MACROD2: variants seen among roughly 807,000 people sequenced by gnomAD.
The protein encoded by MACROD2 is ADP-ribose glycohydrolase MACROD2.
In MACROD2, 36 loss-of-function variants were observed where a neutral mutation model predicts 70.4. The ratio of observed to expected loss-of-function variants is 0.51; its 90% CI spans 0.39 to 0.68. MACROD2 has a LOEUF of 0.68. Ranked by LOEUF, MACROD2 falls within the 30% of genes least tolerant of loss-of-function variation. MACROD2 has a pLI of 0.00. For synonymous variants in MACROD2, 172 were observed against 178.8 expected, an observed-to-expected ratio of 0.96 and a Z score of 0.30; for missense variants, 496 against 538.4, an observed-to-expected ratio of 0.92 and a Z score of 0.78.
intron 6 of MACROD2, among the ~76,000 whole-genome samples, chr20:15,417,328 C>T (rs796972239): frequency 2.7e-5 from 4 of 150,442 alleles, no homozygotes; most frequent in Admixed American, 6.6e-5. Flanking sequence ...TGGGGGTTCA[C>T]GCTTGTAATC....
At chr20:15,702,072 G>T (rs539420692) in intron 8 of MACROD2, among the ~76,000 whole-genome samples, 36 of 152,248 alleles carry the variant, frequency 2.4e-4, no homozygotes, top group African/African-American at 6.7e-4. Flanking sequence ...CCATTGATGG[G>T]CATCTAGGTT....
At chr20:14,211,865 A>G (rs1391690367) in intron 3 of MACROD2, among the ~76,000 whole-genome samples, 1 of 152,164 alleles carries the variant, frequency 6.6e-6, no homozygotes, top group African/African-American at 2.4e-5. Flanking sequence ...TAGTCACTAC[A>G]GTGCTAGCTT....
intron 10 of MACROD2, among the ~76,000 whole-genome samples, chr20:15,889,984 C>T (rs928639965): frequency 6.6e-6 from 1 of 152,110 alleles, no homozygotes; most frequent in African/African-American, 2.4e-5. Flanking sequence ...TTGTTCCTCC[C>T]AAGCCACAAG....
At chr20:15,817,974 G>A (rs1218083938) in intron 8 of MACROD2, among the ~76,000 whole-genome samples, 1 of 151,992 alleles carries the variant, frequency 6.6e-6, no homozygotes, top group Non-Finnish European at 1.5e-5. Context: ...CTTTTTCCTC[G>A]AGGATTTTCA....
At chr20:15,625,303 A>G (rs2049186199) in intron 8 of MACROD2, among the ~76,000 whole-genome samples, 2 of 152,182 alleles carry the variant, frequency 1.3e-5, no homozygotes, top group African/African-American at 4.8e-5. Context: ...TAAGCCCAGG[A>G]CATGTGGACT....
chr20:14,975,149 G>A lies in MACROD2; in HGVS notation c.419-254791G>A, dbSNP rs1026692880. ...GTAATGAAAAATGTCTCTAGGCATCGCAAATATCCACCGGGGTGAGGGGCA... is the reference window on the plus strand; with the variant it reads ...GTAATGAAAAATGTCTCTAGGCATCACAAATATCCACCGGGGTGAGGGGCA... On this transcript the variant is annotated intron_variant, in intron 5 of 17. Coordinates refer to ENST00000684519, the MANE Select transcript of MACROD2 (RefSeq NM_001351661.2). Among the ~76,000 whole-genome samples the A allele has an allele frequency of 5.3e-5, 8 of 152,098 alleles. No homozygotes were observed. The South Asian group carries it at 6.2e-4, about 12-fold the overall frequency.
At chr20:14,909,385 T>C (rs2073998620) in intron 5 of MACROD2, among the ~76,000 whole-genome samples, 2 of 152,080 alleles carry the variant, frequency 1.3e-5, no homozygotes, top group South Asian at 4.1e-4. Flanking sequence ...AAAGTTGACA[T>C]TCATCAAGCT....
At chr20:15,707,972 G>A (rs1458952242) in intron 8 of MACROD2, among the ~76,000 whole-genome samples, 4 of 151,828 alleles carry the variant, frequency 2.6e-5, no homozygotes, top group African/African-American at 9.7e-5. Context: ...ACTCAGTTGT[G>A]GAGAGGGACG....
chr20:15,870,967 A>G (rs1386101848), intron 9 of MACROD2, among the ~76,000 whole-genome samples: 4 of 152,096 alleles, frequency 2.6e-5, no homozygotes, highest in African/African-American at 9.7e-5. Context: ...TCACAAGGTC[A>G]GGAGTTTGAG....
At chr20:15,491,194 T>A (rs1006060780) in intron 7 of MACROD2, among the ~76,000 whole-genome samples, 17 of 152,222 alleles carry the variant, frequency 1.1e-4, no homozygotes, top group African/African-American at 4.1e-4. Context: ...GTGCCTGGAC[T>A]AGATGACCTT....
chr20:14,448,846 A>T (rs1323107568), intron 3 of MACROD2, among the ~76,000 whole-genome samples: 2 of 152,096 alleles, frequency 1.3e-5, no homozygotes, highest in South Asian at 2.1e-4. Context: ...AATATCACTA[A>T]TTTTTAATTC....
At chr20:14,248,136 A>C (rs1177968144) in intron 3 of MACROD2, among the ~76,000 whole-genome samples, 1 of 152,214 alleles carries the variant, frequency 6.6e-6, no homozygotes, top group African/African-American at 2.4e-5. Context: ...AAATATAAGA[A>C]AATGATTGCT....
chr20:15,163,926 A>G (rs1198590695), intron 5 of MACROD2, among the ~76,000 whole-genome samples: 3 of 152,172 alleles, frequency 2.0e-5, no homozygotes, highest in African/African-American at 7.2e-5. Context: ...ACTGAAAATG[A>G]TAGCACAGTG....
chr20:15,255,717 T>A lies in MACROD2; in HGVS notation c.540+25656T>A, dbSNP rs570064838. 8.5e-5 allele frequency among the ~76,000 whole-genome samples: 13 copies of A among 152,266 alleles called. 1 individual carries two copies. In the South Asian group the frequency reaches 2.7e-3, roughly 32 times the overall value. On this transcript the variant is annotated intron_variant, in intron 6 of 17. Transcript: ENST00000684519. ...TATTTTACAAGAGCACGTATTTCTT[T>A]GAGTAAGAAGCTCAGTTATTTTTGC...
chr20:14,968,651 AC>A (rs1326248902), intron 5 of MACROD2, among the ~76,000 whole-genome samples: 1 of 152,172 alleles, frequency 6.6e-6, no homozygotes, highest in Non-Finnish European at 1.5e-5. Flanking sequence ...GGGGGGCTCC[AC>A]CCCCAGAGTT....
intron 4 of MACROD2, among the ~76,000 whole-genome samples, chr20:14,498,832 A>G (rs2084885296): frequency 6.6e-6 from 1 of 152,206 alleles, no homozygotes; most frequent in South Asian, 2.1e-4. Context: ...CTCCCTCCAC[A>G]TACACAACGG....
At chr20:15,976,513 G>A (rs2066308844) in intron 13 of MACROD2, among the ~76,000 whole-genome samples, 2 of 152,222 alleles carry the variant, frequency 1.3e-5, no homozygotes, top group East Asian at 1.9e-4. Flanking sequence ...TTGCCCCCAT[G>A]GGGCCAAGAA....
At chr20:15,174,025 A>G (rs16995408) in intron 5 of MACROD2, among the ~76,000 whole-genome samples, 1,969 of 152,350 alleles carry the variant, frequency 0.013, 16 homozygotes, top group Middle Eastern at 0.071. Context: ...TGAGTGCAGC[A>G]TAATTTATCA....
At chr20:15,401,682 A>G (rs1298301281) in intron 6 of MACROD2, among the ~76,000 whole-genome samples, 2 of 152,374 alleles carry the variant, frequency 1.3e-5, no homozygotes, top group Non-Finnish European at 2.9e-5. Context: ...TAGAATAGCA[A>G]TAGGGTTATA....
Sources: allele counts gnomAD v4.1 joint callset (sites outside exome capture counted in the v4.1 genomes callset), GRCh38; gene constraint gnomAD v4.1.1; transcripts MANE v1.5; gene names NCBI Gene and HGNC (gene_info 2026-07-23, HGNC 2026-07-21).